ZFAND3: variants seen among roughly 807,000 people sequenced by gnomAD.
The protein encoded by ZFAND3 is AN1-type zinc finger protein 3.
ZFAND3 carries 10 observed loss-of-function variants against 29.6 expected under a neutral mutation model. The ratio of observed to expected loss-of-function variants is 0.34; its 90% confidence interval spans 0.21 to 0.57. The LOEUF (loss-of-function observed/expected upper bound fraction) is 0.57, where lower values mean the gene tolerates loss of function less well. ZFAND3 is among the 20% of genes least tolerant of loss of function. ZFAND3 has a pLI of 0.86. For missense variants in ZFAND3, 230 were observed against 304.5 expected (o/e 0.76, Z 1.82); for synonymous variants, 128 against 112.6 (o/e 1.14, Z -0.87).
At chr6:38,026,838 C>A (rs977599159) in intron 2 of ZFAND3, among the ~76,000 whole-genome samples, 1 of 152,116 alleles carries the variant, frequency 6.6e-6, no homozygotes, top group East Asian at 1.9e-4. Flanking sequence ...GTATCTCCCT[C>A]AAGGTTTGGG....
rs1049926399 is a variant in ZFAND3 at position 37,931,980 on chromosome 6, CTG to C, written c.112+1983_112+1984del. On this transcript the variant is annotated intron_variant, in intron 2 of 5. Coordinates refer to ENST00000287218, the MANE Select transcript of ZFAND3 (RefSeq NM_021943.3). Reference sequence around the variant, plus strand: ...GCAGTATTTGTGCCATGTTAAAGGACTGTATTCAGGCCGGGCGCAGTGGCTCA... The same window carrying C: ...GCAGTATTTGTGCCATGTTAAAGGACTATTCAGGCCGGGCGCAGTGGCTCA... Among the ~76,000 whole-genome samples, 43 of 152,170 alleles carry C rather than the reference CTG, an allele frequency of 2.8e-4. 1 individual carries two copies. Among genetic ancestry groups the C allele is most frequent in the Non-Finnish European group, 5.4e-4 (37 of 67,986 alleles).
Position 38,094,451 on chromosome 6 carries a change from A to G in ZFAND3, c.361+11994A>G, listed in dbSNP as rs560577382. Among the ~76,000 whole-genome samples, 11 of 152,312 alleles carry G rather than the reference A, an allele frequency of 7.2e-5. No individual in the cohort carries two copies. In the South Asian group the frequency reaches 8.3e-4, roughly 11 times the overall value. The stretch of plus-strand genomic sequence containing the variant: ...AGAATAGCTTAGAAAAGAAAGTAAT[A>G]ACTTGGATATGATCCTACTCCACAA... On this transcript the variant is annotated intron_variant, in intron 4 of 5. Coordinates refer to ENST00000287218, the MANE Select transcript of ZFAND3 (RefSeq NM_021943.3).
chr6:37,824,158 C>T (rs1763717558), intron 1 of ZFAND3, among the ~76,000 whole-genome samples: 1 of 152,180 alleles, frequency 6.6e-6, no homozygotes, highest in Non-Finnish European at 1.5e-5. Context: ...GAAATATGAA[C>T]ATTTTCTTGG....
At chr6:37,997,954 G>A (rs2127438163) in intron 2 of ZFAND3, among the ~76,000 whole-genome samples, 1 of 152,162 alleles carries the variant, frequency 6.6e-6, no homozygotes, top group South Asian at 2.1e-4. Flanking sequence ...AAGAAGGGAT[G>A]GTGTTAACTG....
chr6:38,134,357 A>G (rs903764925), intron 5 of ZFAND3, among the ~76,000 whole-genome samples: 2 of 152,134 alleles, frequency 1.3e-5, no homozygotes, highest in Non-Finnish European at 2.9e-5. Context: ...TCGGTGAATT[A>G]TATTGATTTT....
chr6:37,906,877 C>T (rs1765418382), intron 1 of ZFAND3, among the ~76,000 whole-genome samples: 1 of 151,748 alleles, frequency 6.6e-6, no homozygotes, highest in Non-Finnish European at 1.5e-5. Context: ...ATTGGGTTGT[C>T]TTTTTGTTGT....
chr6:37,987,833 G>C (rs1581816620), intron 2 of ZFAND3, among the ~76,000 whole-genome samples: 1 of 152,176 alleles, frequency 6.6e-6, no homozygotes. Flanking sequence ...GGTTTGTTTG[G>C]TCTCAGCTGC....
chr6:37,962,359 A>G (rs988005907), intron 2 of ZFAND3, among the ~76,000 whole-genome samples: 1 of 152,236 alleles, frequency 6.6e-6, no homozygotes, highest in Admixed American at 6.5e-5. Context: ...GAGAATAGCT[A>G]TAAGAGGACA....
intron 2 of ZFAND3, among the ~76,000 whole-genome samples, chr6:37,991,744 C>T (rs1472959389): frequency 3.9e-5 from 6 of 152,110 alleles, no homozygotes; most frequent in East Asian, 1.9e-4. Flanking sequence ...AGCAAATATC[C>T]GAGTACCCAC....
chr6:38,134,487 C>G (rs1334263132), intron 5 of ZFAND3, among the ~76,000 whole-genome samples: 2 of 152,196 alleles, frequency 1.3e-5, no homozygotes, highest in Non-Finnish European at 2.9e-5. Context: ...CTCCTCCACT[C>G]AGCCCCTAGA....
chr6:37,845,002 C>A (rs796363892), intron 1 of ZFAND3, among the ~76,000 whole-genome samples: 26 of 148,234 alleles, frequency 1.8e-4, no homozygotes, highest in African/African-American at 6.2e-4. Context: ...CCAGCCTGGG[C>A]GACAGAGCAA....
At chr6:38,051,165 C>T (rs1451099075) in intron 2 of ZFAND3, among the ~76,000 whole-genome samples, 1 of 152,026 alleles carries the variant, frequency 6.6e-6, no homozygotes, top group Admixed American at 6.6e-5. Context: ...AGTCCCACCA[C>T]CTAGGCTTTT....
At chr6:37,908,545 A>T (rs1235885139) in intron 1 of ZFAND3, among the ~76,000 whole-genome samples, 2 of 90,310 alleles carry the variant, frequency 2.2e-5, no homozygotes, top group African/African-American at 6.8e-5. Flanking sequence ...AAAAAATTAA[A>T]AAAAAAAAAA....
intron 2 of ZFAND3, among the ~76,000 whole-genome samples, chr6:37,987,020 A>G (rs2645116): frequency 0.3 from 45,142 of 152,132 alleles, 7,449 homozygotes; most frequent in Non-Finnish European, 0.38. Context: ...ATATAGGGCA[A>G]TGATTTATCT....
chr6:38,126,999 CT>C (rs1335811283), intron 5 of ZFAND3, among the ~76,000 whole-genome samples: 1 of 151,726 alleles, frequency 6.6e-6, no homozygotes, highest in Non-Finnish European at 1.5e-5. Context: ...CTAAATTTAA[CT>C]TGTTAGCTCT....
intron 1 of ZFAND3, among the ~76,000 whole-genome samples, chr6:37,910,151 C>T (rs1037332297): frequency 1.3e-5 from 2 of 152,166 alleles, no homozygotes; most frequent in African/African-American, 2.4e-5. Flanking sequence ...GCCTCTGAGA[C>T]CAGGCCTCCT....
In ZFAND3 at chr6:37,913,708, C is replaced by CTTTTTTTTTTTTTTTTTTTTTTT. The variant is rs56045448; in HGVS notation, c.72-16232_72-16231insTTTTTTTTTTTTTTTTTTTTTTT. On this transcript the variant is annotated intron_variant, in intron 1 of 5. Coordinates refer to ENST00000287218, the MANE Select transcript of ZFAND3 (RefSeq NM_021943.3). ...CCCAGCTGTCTATGGCAGCTATATT[C>CTTTTTTTTTTTTTTTTTTTTTTT]TTTTTTTTTTTTTTTTTTTGAGACA... Among the ~76,000 whole-genome samples, 26 of 113,034 alleles carry CTTTTTTTTTTTTTTTTTTTTTTT rather than the reference C, an allele frequency of 2.3e-4. 1 individual carries two copies. The highest frequency in any genetic ancestry group is 2.6e-4 in the Non-Finnish European group (14 of 54,362). 74.2% of individuals were successfully genotyped at this position (113,034 alleles called of 152,430 possible).
chr6:38,097,251 T>TTTC (rs1408845878), intron 4 of ZFAND3, among the ~76,000 whole-genome samples: 1 of 137,124 alleles, frequency 7.3e-6, no homozygotes, highest in African/African-American at 3.0e-5. Flanking sequence ...AATTTTTCAT[T>TTTC]TTTTTTTTTT....
chr6:38,009,292 G>A (rs552938336), intron 2 of ZFAND3, among the ~76,000 whole-genome samples: 2 of 152,222 alleles, frequency 1.3e-5, no homozygotes, highest in South Asian at 2.1e-4. Flanking sequence ...ACTAGGTTTC[G>A]GTAGCATCTT....
Sources: allele counts gnomAD v4.1 joint callset (sites outside exome capture counted in the v4.1 genomes callset), GRCh38; gene constraint gnomAD v4.1.1; transcripts MANE v1.5; gene names NCBI Gene and HGNC (gene_info 2026-07-23, HGNC 2026-07-21).